Variants in SIRPD observed in about 807,000 individuals in gnomAD.
SIRPD encodes signal regulatory protein delta.
Under a neutral mutation model 18.0 loss-of-function variants are expected in SIRPD, and 21 were observed. The observed-to-expected ratio is 1.17, with a 90% CI of 0.83 to 1.68. The LOEUF (loss-of-function observed/expected upper bound fraction) is 1.68, where lower values mean the gene tolerates loss of function less well. Ranked by LOEUF, SIRPD falls within the 40% of genes most tolerant of loss-of-function variation. The pLI is 0.00. For synonymous variants in SIRPD, 106 were observed against 92.9 expected, an observed-to-expected ratio of 1.14 and a Z score of -0.81; for missense variants, 295 against 238.4, an observed-to-expected ratio of 1.24 and a Z score of -1.56.
chr20:1,544,647 C>A (rs953538551), intron 2 of SIRPD, among the ~76,000 whole-genome samples: 1 of 151,932 alleles, frequency 6.6e-6, no homozygotes, highest in Non-Finnish European at 1.5e-5. Flanking sequence ...TGTGTGAATT[C>A]GATCCTGTCA....
intron 2 of SIRPD, among the ~76,000 whole-genome samples, chr20:1,542,713 C>T (rs1485834794): frequency 1.8e-4 from 28 of 152,120 alleles, no homozygotes; most frequent in East Asian, 3.8e-4. Flanking sequence ...TCTTGTCTTG[C>T]TCTGGTTTTC....
chr20:1,534,353 T>C lies in SIRPD; in HGVS notation c.*72A>G. ...GAAGGCAAATGAAACTCCTAAAAAG[T>C]AGCTGTCTCCAGGGAGTCAGAAGAG... On this transcript the variant is annotated 3_prime_UTR_variant, in exon 4 of 4. Coordinates refer to ENST00000381623, the MANE Select transcript of SIRPD (RefSeq NM_178460.3). The C allele has an allele frequency of 6.3e-7, 1 of 1,592,194 alleles. No homozygotes were observed. Among genetic ancestry groups the C allele is most frequent in the East Asian group, 2.2e-5 (1 of 44,764 alleles).
intron 2 of SIRPD, among the ~76,000 whole-genome samples, chr20:1,542,162 T>C (rs570224363): frequency 2.0e-5 from 3 of 152,336 alleles, no homozygotes; most frequent in African/African-American, 7.2e-5. Context: ...AGTCATTTTT[T>C]TCTAATTCTG....
chr20:1,554,630 A>G (rs147644733), intron 1 of SIRPD, among the ~76,000 whole-genome samples: 1 of 152,296 alleles, frequency 6.6e-6, no homozygotes, highest in East Asian at 1.9e-4. Context: ...AGATTTTTCT[A>G]ATTGTCTCAA....
chr20:1,540,290 C>T (rs186640280), intron 2 of SIRPD: 5 of 455,986 alleles, frequency 1.1e-5, no homozygotes, highest in South Asian at 6.2e-5. Context: ...TGATTTCAGT[C>T]CAGAGATGCA....
At chr20:1,542,746 G>T (rs1297775197) in intron 2 of SIRPD, among the ~76,000 whole-genome samples, 1 of 152,128 alleles carries the variant, frequency 6.6e-6, no homozygotes, top group Non-Finnish European at 1.5e-5. Flanking sequence ...TCCAGCTTTT[G>T]TCCATTCAGT....
At chr20:1,541,836 C>A (rs1600065107) in intron 2 of SIRPD, among the ~76,000 whole-genome samples, 1 of 152,076 alleles carries the variant, frequency 6.6e-6, no homozygotes, top group Non-Finnish European at 1.5e-5. Flanking sequence ...GGAAGGGGTC[C>A]AGTTTTAGTT....
intron 2 of SIRPD, among the ~76,000 whole-genome samples, chr20:1,545,653 G>T (rs1415505230): frequency 1.3e-5 from 2 of 152,162 alleles, no homozygotes; most frequent in African/African-American, 2.4e-5. Context: ...CAGTTTTGTT[G>T]CCTTGCTGGC....
Position 1,534,372 on chromosome 20 carries a change from A to G in SIRPD, c.*53T>C. On this transcript the variant is annotated 3_prime_UTR_variant, in exon 4 of 4. Coordinates refer to ENST00000381623, the MANE Select transcript of SIRPD (RefSeq NM_178460.3). ...AAAAAGTAGCTGTCTCCAGGGAGTC[A>G]GAAGAGTATGGGGGCTTTTGTTATT... 6.2e-7 allele frequency: 1 copy of G among 1,608,774 alleles called. No homozygotes were observed. Among genetic ancestry groups the G allele is most frequent in the Non-Finnish European group, 8.5e-7 (1 of 1,178,660 alleles).
chr20:1,548,526 G>A (rs1399498063), intron 2 of SIRPD, among the ~76,000 whole-genome samples: 2 of 151,932 alleles, frequency 1.3e-5, no homozygotes, highest in African/African-American at 4.8e-5. Context: ...ATTTTCTTAA[G>A]GGATTTTTGT....
intron 2 of SIRPD, 86 bp downstream of exon 2, chr20:1,551,605 C>T: frequency 9.8e-7 from 1 of 1,021,382 alleles, no homozygotes; most frequent in East Asian, 2.4e-5. Context: ...ATATTTGGCA[C>T]ATAGCAATTA....
In SIRPD at chr20:1,551,934, C is replaced by A. The variant is rs145641015; in HGVS notation, c.178G>T (p.Gly60Ter). The A allele has an allele frequency of 5.8e-5, 93 of 1,614,030 alleles. No individual in the cohort carries two copies. The African/African-American group carries it at 1.2e-3, about 20-fold the overall frequency. ...SCSVPNTLPNGPVLWFKGTGP... is the reference protein window; with the variant it reads ...SCSVPNTLPN ...GTTCCCTTGAACCACAAGACAGGTC[C>A]ATTTGGTAAGGTATTGGGTACGCTG... Residue 60 changes from glycine to a stop codon, truncating the protein, a stop_gained, in exon 2 of 4, where the codon GGA (glycine) becomes TGA (stop). Transcript: ENST00000381623. LOFTEE classifies it high-confidence loss of function.
At chr20:1,543,594 G>T (rs1398034214) in intron 2 of SIRPD, among the ~76,000 whole-genome samples, 1 of 151,542 alleles carries the variant, frequency 6.6e-6, no homozygotes, top group South Asian at 2.1e-4. Flanking sequence ...CTGATTTTTT[G>T]AAGGGTGTTT....
At chr20:1,544,418 G>T (rs1348465199) in intron 2 of SIRPD, among the ~76,000 whole-genome samples, 2 of 149,028 alleles carry the variant, frequency 1.3e-5, no homozygotes. Context: ...TTTTATCAGA[G>T]ACTAGGATTG....
intron 2 of SIRPD, among the ~76,000 whole-genome samples, chr20:1,544,538 T>C (rs2123129856): frequency 6.6e-6 from 1 of 152,176 alleles, no homozygotes; most frequent in East Asian, 1.9e-4. Flanking sequence ...GTCTCCTGAA[T>C]ACAACACACC....
intron 2 of SIRPD, chr20:1,540,422 C>A: frequency 2.4e-6 from 1 of 425,082 alleles, no homozygotes; most frequent in South Asian, 1.7e-5. Flanking sequence ...TCAATATTTG[C>A]AGATATTTGT....
intron 1 of SIRPD, among the ~76,000 whole-genome samples, chr20:1,555,812 A>T (rs1242743135): frequency 1.3e-5 from 2 of 152,156 alleles, no homozygotes; most frequent in Non-Finnish European, 2.9e-5. Flanking sequence ...TTATTTCACA[A>T]TTTTTGTCCA....
At position 1,539,819 on chromosome 20, in the gene SIRPD, G is replaced by T. The variant is rs576266895; in HGVS notation, c.422-2509C>A. Reference sequence around the variant, plus strand: ...ATGTAGCAGATATCTGATGTCTTCAGCCAGTTGCCCGCAAGGATCTGAGGC... The same window carrying T: ...ATGTAGCAGATATCTGATGTCTTCATCCAGTTGCCCGCAAGGATCTGAGGC... On this transcript the variant is annotated intron_variant, in intron 2 of 3. Coordinates refer to ENST00000381623, the MANE Select transcript of SIRPD (RefSeq NM_178460.3). Among the ~76,000 whole-genome samples the T allele has an allele frequency of 1.8e-4, 27 of 152,320 alleles. No individual in the cohort carries two copies. In the South Asian group the frequency reaches 5.6e-3, roughly 32 times the overall value.
In SIRPD at chr20:1,557,620, G is replaced by A. The variant is rs11697395; in HGVS notation, c.34C>T (p.Leu12=). 0.19 allele frequency: 300,975 copies of A among 1,604,890 alleles called. 30,622 individuals are homozygous for A. Among genetic ancestry groups the A allele is most frequent in the Middle Eastern group, 0.26 (1,555 of 6,028 alleles). ...AGCAGATACAGCAGTAAGGAAGGCA[G>A]AGGTGGGTGGAGTGGGGAGGCAGGG... The part of the protein sequence containing the change: ...PIPASPLHPP[L]PSLLLYLLLE... Residue 12 remains leucine, a synonymous_variant, in exon 1 of 4, where the codon CTG becomes TTG. Transcript: ENST00000381623.
Sources: gnomAD v4.1 joint callset for allele counts (sites outside exome capture counted in the v4.1 genomes callset) on GRCh38, gnomAD v4.1.1 for gene constraint, MANE v1.5 for transcripts, NCBI Gene and HGNC (gene_info 2026-07-23, HGNC 2026-07-21) for gene names.